EFL1: variants seen among roughly 807,000 people sequenced by gnomAD.
EFL1 encodes the protein elongation factor-like GTPase 1.
A neutral mutation model predicts 126.7 loss-of-function variants in EFL1; 76 were observed. The observed-to-expected ratio is 0.60, with a 90% CI of 0.50 to 0.73. EFL1 has a LOEUF of 0.73. Among genes scored for constraint, EFL1 ranks in the 30% least tolerant of loss-of-function variants. The pLI is 0.00. For missense variants in EFL1, 1,128 were observed against 1,343.2 expected (o/e 0.84, Z 2.50); for synonymous variants, 410 against 448.4 (o/e 0.91, Z 1.08).
At chr15:82,192,626 C>T (rs948113049) in intron 15 of EFL1, among the ~76,000 whole-genome samples, 2 of 152,058 alleles carry the variant, frequency 1.3e-5, no homozygotes, top group African/African-American at 4.8e-5. Context: ...TTGGGTTTCA[C>T]AACACCATGA....
chr15:82,167,587 T>C (rs1159833054), intron 15 of EFL1, among the ~76,000 whole-genome samples: 1 of 152,174 alleles, frequency 6.6e-6, no homozygotes, highest in Non-Finnish European at 1.5e-5. Context: ...TTGAAAACTT[T>C]TTTACTATTC....
intron 15 of EFL1, among the ~76,000 whole-genome samples, chr15:82,173,246 G>C (rs923266063): frequency 2.6e-5 from 4 of 152,044 alleles, no homozygotes; most frequent in Non-Finnish European, 5.9e-5. Flanking sequence ...GTTACAGAAG[G>C]TCATGAACAA....
intron 4 of EFL1, among the ~76,000 whole-genome samples, chr15:82,245,407 T>G (rs1169382745): frequency 6.6e-6 from 1 of 152,156 alleles, no homozygotes; most frequent in Admixed American, 6.5e-5. Context: ...CCCAAAGTGC[T>G]GGGATTACAG....
At chr15:82,179,831 C>T (rs1459888534) in intron 15 of EFL1, among the ~76,000 whole-genome samples, 2 of 103,634 alleles carry the variant, frequency 1.9e-5, no homozygotes, top group Non-Finnish European at 3.6e-5. Flanking sequence ...GGGCGGGGGG[C>T]GGGGACATCA....
chr15:82,132,681 T>TGGG (rs67000643), intron 19 of EFL1, among the ~76,000 whole-genome samples: 8 of 43,014 alleles, frequency 1.9e-4, no homozygotes, highest in African/African-American at 2.7e-4. Context: ...GTCCAGGAAT[T>TGGG]GGGGGGGGGG....
Position 82,152,299 on chromosome 15 carries a change from G to T in EFL1, c.2155C>A (p.His719Asn). ...IGKQQKVAVI[H>N]QMKEDQSKIP... ...TTGCTTTGATCTTCTTTCATTTGGT[G>T]TATGACTGCAACTTTTTGCTGTTTG... Residue 719 changes from histidine to asparagine, a missense_variant, in exon 18 of 20, where the codon CAC becomes AAC. His to Asn is a moderately conservative substitution (Grantham distance 68). Transcript: ENST00000268206. 1.2e-6 allele frequency: 2 copies of T among 1,614,088 alleles called. No individual in the cohort carries two copies. The highest frequency in any genetic ancestry group is 1.7e-6 in the Non-Finnish European group (2 of 1,180,010).
intron 6 of EFL1, among the ~76,000 whole-genome samples, chr15:82,238,836 T>C (rs761552352): frequency 6.6e-6 from 1 of 152,210 alleles, no homozygotes; most frequent in Non-Finnish European, 1.5e-5. Flanking sequence ...AAAGTACTCA[T>C]GATTTCCAAC....
intron 11 of EFL1, 37 bp from the exon 12 acceptor site, chr15:82,225,301 CCATT>C (rs772123382): frequency 1.1e-5 from 15 of 1,416,246 alleles, no homozygotes; most frequent in South Asian, 4.2e-5. Flanking sequence ...ACTATTTTTC[CCATT>C]ATTAAAAAAA....
intron 15 of EFL1, among the ~76,000 whole-genome samples, chr15:82,173,939 C>T (rs7166610): frequency 0.012 from 1,842 of 152,156 alleles, 31 homozygotes; most frequent in African/African-American, 0.042. Context: ...CCTGTAATCC[C>T]AGCACTTTGG....
At chr15:82,232,497 CAG>C (rs879153073) in intron 7 of EFL1, among the ~76,000 whole-genome samples, 1 of 152,168 alleles carries the variant, frequency 6.6e-6, no homozygotes, top group South Asian at 2.1e-4. Context: ...CATGTGCCTA[CAG>C]AGTTCTACTT....
chr15:82,198,560 C>T (rs1021454641), intron 15 of EFL1, among the ~76,000 whole-genome samples: 16 of 152,162 alleles, frequency 1.1e-4, no homozygotes, highest in African/African-American at 2.7e-4. Flanking sequence ...CTTAAAGCAA[C>T]CCACAGATAG....
At chr15:82,230,768 AT>A in intron 8 of EFL1, 79 bp downstream of exon 8, 1 of 1,474,608 alleles carries the variant, frequency 6.8e-7, no homozygotes, top group Non-Finnish European at 9.0e-7. Context: ...GCTGAATTAC[AT>A]TTATTAAAGA....
At chr15:82,148,118 G>A (rs758981184) in intron 18 of EFL1, among the ~76,000 whole-genome samples, 24 of 152,030 alleles carry the variant, frequency 1.6e-4, no homozygotes, top group Non-Finnish European at 2.4e-4. Flanking sequence ...GTGGGATTAC[G>A]CCTGTAATCC....
intron 15 of EFL1, among the ~76,000 whole-genome samples, chr15:82,211,056 T>C (rs772375389): frequency 2.0e-5 from 3 of 151,890 alleles, no homozygotes; most frequent in Non-Finnish European, 4.4e-5. Flanking sequence ...CATCTTATTC[T>C]TTCCATTTCA....
intron 15 of EFL1, among the ~76,000 whole-genome samples, chr15:82,175,815 T>C (rs1043131821): frequency 6.6e-6 from 1 of 152,166 alleles, no homozygotes; most frequent in Non-Finnish European, 1.5e-5. Flanking sequence ...CAAGACTACA[T>C]CTTAAAAACT....
chr15:82,157,935 T>C, intron 16 of EFL1, 75 bp from the exon 17 acceptor site: 3 of 1,418,262 alleles, frequency 2.1e-6, no homozygotes, highest in Non-Finnish European at 1.9e-6. Flanking sequence ...CTCTGGCTAC[T>C]GAAGGGAAAA....
At chr15:82,172,137 C>CAAAAAAATTGG in intron 15 of EFL1, among the ~76,000 whole-genome samples, 1 of 151,498 alleles carries the variant, frequency 6.6e-6, no homozygotes, top group East Asian at 1.9e-4. Context: ...AAACCAGATA[C>CAAAAAAATTGG]TATTTCACAC....
chr15:82,153,812 A>G (rs1240811820), intron 17 of EFL1, among the ~76,000 whole-genome samples: 1 of 152,234 alleles, frequency 6.6e-6, no homozygotes, highest in Non-Finnish European at 1.5e-5. Context: ...AGCCACTTTT[A>G]AATATGCTAA....
At chr15:82,137,379 C>A (rs935135978) in intron 19 of EFL1, among the ~76,000 whole-genome samples, 1 of 151,984 alleles carries the variant, frequency 6.6e-6, no homozygotes, top group Non-Finnish European at 1.5e-5. Context: ...GAAAAAAAAA[C>A]CATGGATTAT....
Sources: allele counts gnomAD v4.1 joint callset (sites outside exome capture counted in the v4.1 genomes callset), GRCh38; gene constraint gnomAD v4.1.1; transcripts MANE v1.5; gene names NCBI Gene and HGNC (gene_info 2026-07-23, HGNC 2026-07-21).